The following SRGAP3 variants were observed in gnomAD, a reference collection of about 807,000 sequenced individuals.
SRGAP3 encodes the protein SLIT-ROBO Rho GTPase activating protein 3, also known as SLIT-ROBO Rho GTPase-activating protein 3.
SRGAP3 carries 39 observed loss-of-function variants against 121.1 expected under a neutral mutation model. The observed-to-expected ratio is 0.32, with a 90% CI of 0.25 to 0.42. SRGAP3 has a LOEUF of 0.42. Ranked by LOEUF, SRGAP3 falls within the 10% of genes least tolerant of loss-of-function variation. The probability of loss-of-function intolerance (pLI) is 1.00; values close to 1 mark genes in which losing one functional copy is unlikely to be tolerated. For missense variants in SRGAP3, 1,213 were observed against 1,470.6 expected, an observed-to-expected ratio of 0.82 and a Z score of 2.86; for synonymous variants, 601 against 570.0, an observed-to-expected ratio of 1.05 and a Z score of -0.77.
intron 1 of SRGAP3, among the ~76,000 whole-genome samples, chr3:9,186,092 T>C (rs893856548): frequency 1.4e-4 from 22 of 152,174 alleles, no homozygotes; most frequent in Non-Finnish European, 3.2e-4. Context: ...TATAAATACT[T>C]GCTAAAGCCC....
At position 9,326,609 on chromosome 3, in the gene SRGAP3, C is replaced by T. The variant is rs1009645594; in HGVS notation, n.284-441G>A. On this transcript the variant is annotated intron_variant and non_coding_transcript_variant, in intron 2 of 3. Transcript: ENST00000490889. ...GCTTAACACTGAACTTATGTCCTCT[C>T]GAATGCCAGTTGCTTCTCCAATTTA... Among the ~76,000 whole-genome samples, 8 of 151,800 alleles carry T rather than the reference C, an allele frequency of 5.3e-5. No homozygotes were observed. The South Asian group carries it at 6.2e-4, about 12-fold the overall frequency.
At chr3:9,121,937 G>A (rs1192688895) in intron 2 of SRGAP3, among the ~76,000 whole-genome samples, 1 of 152,156 alleles carries the variant, frequency 6.6e-6, no homozygotes, top group Non-Finnish European at 1.5e-5. Context: ...TCCAGGGAGG[G>A]TCCAGATGTC....
chr3:9,286,731 T>C (rs1444321496), intron 3 of SRGAP3, among the ~76,000 whole-genome samples: 3 of 149,570 alleles, frequency 2.0e-5, no homozygotes, highest in Admixed American at 6.6e-5. Flanking sequence ...GCCTCCTGAG[T>C]AGCTGGGACT....
chr3:9,356,073 T>C (rs1199179017), intron 1 of SRGAP3, among the ~76,000 whole-genome samples: 4 of 152,142 alleles, frequency 2.6e-5, no homozygotes, highest in Non-Finnish European at 5.9e-5. Context: ...GGGGCTTAAG[T>C]TTCAAACACA....
At chr3:9,043,301 A>C (rs1945106647) in intron 10 of SRGAP3, among the ~76,000 whole-genome samples, 1 of 152,098 alleles carries the variant, frequency 6.6e-6, no homozygotes, top group Admixed American at 6.6e-5. Context: ...TTACAGGGCC[A>C]CCACCACACC....
chr3:9,288,089 A>G (rs182867372), intron 3 of SRGAP3, among the ~76,000 whole-genome samples: 1 of 150,438 alleles, frequency 6.6e-6, no homozygotes, highest in African/African-American at 2.4e-5. Context: ...ATACATTTCA[A>G]TATTCAATAA....
rs761185948 is a variant in SRGAP3, at chr3:9,056,251, G to T, written c.1107C>A (p.Leu369=). ...YHQLQSRLAT[L]KIENEEVRKT... is the part of the protein sequence containing the mutation. ...CACTCACCTCCTCATTCTCTATCTT[G>T]AGGGTGGCCAGTCTGGACTGCAGCT... The change falls in exon 8 of 22, where the codon CTC becomes CTA. Residue 369 remains leucine, a synonymous_variant. Coordinates refer to ENST00000383836, the MANE Select transcript of SRGAP3 (RefSeq NM_014850.4). 2 of 1,613,954 alleles carry T rather than the reference G, an allele frequency of 1.2e-6. No individual in the cohort carries two copies. The highest frequency in any genetic ancestry group is 1.7e-6 in the Non-Finnish European group (2 of 1,180,022).
chr3:9,006,502 C>T (rs1349033797), intron 18 of SRGAP3, among the ~76,000 whole-genome samples: 7 of 143,726 alleles, frequency 4.9e-5, no homozygotes, highest in Admixed American at 6.9e-5. Context: ...AAAAACCTCA[C>T]CTTAATACAC....
chr3:9,041,212 AG>A (rs1486543343), intron 10 of SRGAP3, among the ~76,000 whole-genome samples: 1 of 152,212 alleles, frequency 6.6e-6, no homozygotes, highest in African/African-American at 2.4e-5. Context: ...CTAAGTGTAG[AG>A]TCTGGATTCC....
rs372468615 is a variant in SRGAP3 at position 9,013,053 on chromosome 3, C to T, written c.2147+255G>A. ...CTATACCTGAAGATATATCCCCAGA[C>T]TTTTTACTTAAGTAAATCAATAAAG... On this transcript the variant is annotated intron_variant, in intron 17 of 21. Coordinates refer to ENST00000383836, the MANE Select transcript of SRGAP3 (RefSeq NM_014850.4). 5.9e-5 allele frequency among the ~76,000 whole-genome samples: 9 copies of T among 152,250 alleles called. No homozygotes were observed. In the East Asian group the frequency reaches 7.7e-4, roughly 13 times the overall value.
intron 14 of SRGAP3, among the ~76,000 whole-genome samples, chr3:9,018,566 T>C (rs1559925024): frequency 1.3e-5 from 2 of 152,214 alleles, no homozygotes; most frequent in East Asian, 3.8e-4. Context: ...GGTGACATGA[T>C]ATTTGTGGTT....
At chr3:9,021,479 A>G (rs1400323387) in intron 14 of SRGAP3, among the ~76,000 whole-genome samples, 1 of 152,140 alleles carries the variant, frequency 6.6e-6, no homozygotes, top group Non-Finnish European at 1.5e-5. Flanking sequence ...AAACTTGAGC[A>G]GTGAGTTTAA....
At position 8,985,781 on chromosome 3, in the gene SRGAP3, AGGGGACTGGCGGGCTCCGAGCTGAC is replaced by A. The variant is rs780928766; in HGVS notation, c.3013_3037del (p.Val1005PhefsTer23). On this transcript the variant is annotated frameshift_variant, in exon 22 of 22. Coordinates refer to ENST00000383836, the MANE Select transcript of SRGAP3 (RefSeq NM_014850.4). LOFTEE classifies it high-confidence loss of function. This position sits in a 1 kb window ranked among gnomAD's most constrained non-coding sequence, Gnocchi z 5.1. ...GGGGTCGCGGATGACGATGGTGTGA[AGGGGACTGGCGGGCTCCGAGCTGAC>A]GGGGCCTGGCGGGTTCTTCAGGGGC... is the stretch of plus-strand genomic sequence containing the variant. The A allele has an allele frequency of 2.5e-6, 4 of 1,600,154 alleles. No individual in the cohort carries two copies. The Admixed American group carries it at 5.0e-5, about 20-fold the overall frequency.
chr3:9,255,443 C>T (rs902060449), intron 3 of SRGAP3, among the ~76,000 whole-genome samples: 1 of 152,190 alleles, frequency 6.6e-6, no homozygotes, highest in African/African-American at 2.4e-5. Flanking sequence ...AGATGGCCCC[C>T]AAAACCCCCA....
intron 3 of SRGAP3, among the ~76,000 whole-genome samples, chr3:9,305,220 A>G (rs1955135760): frequency 6.6e-6 from 1 of 152,150 alleles, no homozygotes; most frequent in South Asian, 2.1e-4. Flanking sequence ...GGGCAGGAAG[A>G]GCCTCAGGCT....
chr3:8,989,536 G>A (rs2124921120), intron 21 of SRGAP3, among the ~76,000 whole-genome samples: 1 of 152,272 alleles, frequency 6.6e-6, no homozygotes, highest in Non-Finnish European at 1.5e-5. Flanking sequence ...ACTCTCCACA[G>A]TAAAATTCTC....
At chr3:9,134,008 T>TA in intron 1 of SRGAP3, among the ~76,000 whole-genome samples, 1 of 152,262 alleles carries the variant, frequency 6.6e-6, no homozygotes, top group Non-Finnish European at 1.5e-5. Context: ...TTTTTCATCA[T>TA]AAAAAAGGGA....
intron 1 of SRGAP3, among the ~76,000 whole-genome samples, chr3:9,231,346 G>A (rs915552391): frequency 2.0e-5 from 3 of 152,136 alleles, no homozygotes; most frequent in South Asian, 4.1e-4. Context: ...GGAAACGGCC[G>A]TCACCCATTT....
intron 3 of SRGAP3, among the ~76,000 whole-genome samples, chr3:9,102,619 C>T (rs1948260615): frequency 6.6e-6 from 1 of 152,232 alleles, no homozygotes; most frequent in African/African-American, 2.4e-5. Flanking sequence ...TGTGCAAAGT[C>T]AGCCAGCCAG....
Sources: allele counts gnomAD v4.1 joint callset (sites outside exome capture counted in the v4.1 genomes callset), GRCh38; gene constraint gnomAD v4.1.1; non-coding constraint Gnocchi (gnomAD v3.1); transcripts MANE v1.5; gene names NCBI Gene and HGNC (gene_info 2026-07-23, HGNC 2026-07-21).